The following TTC28 variants were observed in gnomAD, a reference collection of about 807,000 sequenced individuals.
TTC28 encodes tetratricopeptide repeat domain 28.
A neutral mutation model predicts 198.0 loss-of-function variants in TTC28; 61 were observed. The ratio of observed to expected loss-of-function variants is 0.31; its 90% CI spans 0.25 to 0.38. TTC28 has a LOEUF of 0.38. TTC28 is among the 10% of genes least tolerant of loss of function. The pLI is 1.00. For synonymous variants in TTC28, 1,171 were observed against 1,297.8 expected (o/e 0.90, Z 2.10); for missense variants, 2,678 against 3,164.0 (o/e 0.85, Z 3.69).
rs568668929 is a variant in TTC28 at position 28,367,860 on chromosome 22, C to T, written c.382-61217G>A. ...CCCCTACAGCCTACCAAAATTGAGC[C>T]ACTGAAGAAATTCAAAACCTGAACA... On this transcript the variant is annotated intron_variant, in intron 2 of 22. Coordinates refer to ENST00000397906, the MANE Select transcript of TTC28 (RefSeq NM_001145418.2). Among the ~76,000 whole-genome samples, 3 of 151,950 alleles carry T rather than the reference C, an allele frequency of 2.0e-5. No homozygotes were observed. The East Asian group carries it at 5.8e-4, about 29-fold the overall frequency.
intron 2 of TTC28, among the ~76,000 whole-genome samples, chr22:28,485,853 A>C (rs1344979294): frequency 6.6e-6 from 1 of 152,154 alleles, no homozygotes; most frequent in Non-Finnish European, 1.5e-5. Flanking sequence ...AAAATTATAG[A>C]AGACAATTCC....
rs1937045134 is a variant in TTC28 at position 27,982,285 on chromosome 22, A to C, written c.7382T>G (p.Leu2461Arg). ...GAACTTGTAGCCATTTCCAGAAGGAAGCCTCAAAGGGCGCGCGGGGGCTGT... is the reference window on the plus strand; with the variant it reads ...GAACTTGTAGCCATTTCCAGAAGGACGCCTCAAAGGGCGCGCGGGGGCTGT... Reference protein sequence around the residue: ...PATAPARPLRLPSGNGYKFLS... With the variant: ...PATAPARPLRRPSGNGYKFLS... Residue 2461 changes from leucine to arginine, a missense_variant, in exon 23 of 23, where the codon CTT becomes CGT. Leu to Arg is a moderately radical substitution (Grantham distance 102, BLOSUM62 -2). Coordinates refer to ENST00000397906, the MANE Select transcript of TTC28 (RefSeq NM_001145418.2). This position sits in a 1 kb window ranked among gnomAD's most constrained non-coding sequence, Gnocchi z 5.2. 1 of 1,480,284 alleles carries C rather than the reference A, an allele frequency of 6.8e-7. No homozygotes were observed. Among genetic ancestry groups the C allele is most frequent in the Non-Finnish European group, 9.0e-7 (1 of 1,115,918 alleles). The allele number at this position is 1,480,284 out of a possible 1,614,324, so 91.7% of individuals were successfully genotyped here. A position where few individuals can be genotyped will look rare whatever the true frequency, so the allele number is the denominator to read the frequency against.
Position 28,107,751 on chromosome 22 carries a change from C to G in TTC28, c.2094G>C (p.Lys698Asn). 1.9e-6 allele frequency: 3 copies of G among 1,551,966 alleles called. No individual in the cohort carries two copies. The highest frequency in any genetic ancestry group is 2.6e-6 in the Non-Finnish European group (3 of 1,147,056). ...LNFSKAEECQ[K>N]YLLSLAQSLN... ...GAGACTGGGCTAGGGACAGTAGGTA[C>G]TTCTGACACTCTTCAGCTTTACTGA... Residue 698 changes from lysine to asparagine, a missense_variant, in exon 7 of 23, where the codon AAG (lysine) becomes AAC (asparagine). Transcript: ENST00000397906.
chr22:28,259,887 G>A (rs1931201529), intron 5 of TTC28, among the ~76,000 whole-genome samples: 1 of 152,080 alleles, frequency 6.6e-6, no homozygotes, highest in African/African-American at 2.4e-5. Context: ...AGGAGAGGAG[G>A]AAAAGGACAA....
At chr22:28,644,950 C>T (rs560324275) in intron 1 of TTC28, among the ~76,000 whole-genome samples, 187 of 152,078 alleles carry the variant, frequency 1.2e-3, no homozygotes, top group Admixed American at 2.2e-3. Flanking sequence ...TCAAGACCAT[C>T]CTGGCTAACA....
chr22:28,247,555 T>C (rs1930197048), intron 5 of TTC28, among the ~76,000 whole-genome samples: 1 of 152,102 alleles, frequency 6.6e-6, no homozygotes, highest in Non-Finnish European at 1.5e-5. Context: ...TACAGTGGGA[T>C]CAGAGCTACC....
chr22:28,491,854 C>A (rs933229155), intron 2 of TTC28, among the ~76,000 whole-genome samples: 2 of 152,096 alleles, frequency 1.3e-5, no homozygotes, highest in African/African-American at 4.8e-5. Context: ...AGACTTGGAA[C>A]CAACCCAAAT....
chr22:28,406,185 CAAAG>C (rs2046995557), intron 2 of TTC28, among the ~76,000 whole-genome samples: 1 of 152,162 alleles, frequency 6.6e-6, no homozygotes, highest in South Asian at 2.1e-4. Flanking sequence ...GGAAAAAACA[CAAAG>C]ATTTAACTCT....
At chr22:28,406,568 T>C (rs1200058532) in intron 2 of TTC28, among the ~76,000 whole-genome samples, 1 of 152,196 alleles carries the variant, frequency 6.6e-6, no homozygotes, top group Non-Finnish European at 1.5e-5. Context: ...CATAGAAAGA[T>C]AATCATAAAC....
chr22:28,391,253 T>C (rs547870214), intron 2 of TTC28, among the ~76,000 whole-genome samples: 94 of 152,216 alleles, frequency 6.2e-4, no homozygotes, highest in Non-Finnish European at 1.1e-3. Flanking sequence ...AACCCGACCT[T>C]TCTCCCTGGC....
chr22:28,596,911 T>G (rs1227841078), intron 2 of TTC28, among the ~76,000 whole-genome samples: 2 of 152,150 alleles, frequency 1.3e-5, no homozygotes, highest in Non-Finnish European at 2.9e-5. Flanking sequence ...GTAACATATA[T>G]TTAGAAGCAA....
chr22:28,365,702 A>C (rs1335113381), intron 2 of TTC28, among the ~76,000 whole-genome samples: 1 of 152,200 alleles, frequency 6.6e-6, no homozygotes, highest in East Asian at 1.9e-4. Flanking sequence ...TGATATTAAC[A>C]CATGTACACA....
At chr22:28,653,697 T>TC (rs1476408222) in intron 1 of TTC28, among the ~76,000 whole-genome samples, 2 of 152,128 alleles carry the variant, frequency 1.3e-5, no homozygotes, top group Non-Finnish European at 2.9e-5. Context: ...AAGCTGTTTC[T>TC]CCCCACTTCC....
At chr22:28,610,646 A>T (rs2050804443) in intron 2 of TTC28, among the ~76,000 whole-genome samples, 1 of 152,168 alleles carries the variant, frequency 6.6e-6, no homozygotes, top group Non-Finnish European at 1.5e-5. Flanking sequence ...AAATTCCAAA[A>T]ACCAGAACGC....
intron 2 of TTC28, among the ~76,000 whole-genome samples, chr22:28,570,064 C>T (rs1317532034): frequency 6.6e-6 from 1 of 152,066 alleles, no homozygotes; most frequent in Non-Finnish European, 1.5e-5. Flanking sequence ...CAGACGTTGA[C>T]GAGGCTGCAG....
At chr22:28,076,363 A>G (rs1239073130) in intron 12 of TTC28, among the ~76,000 whole-genome samples, 2 of 152,224 alleles carry the variant, frequency 1.3e-5, no homozygotes, top group South Asian at 2.1e-4. Context: ...GAATCAGTCT[A>G]TCAACTGTCC....
chr22:28,612,099 G>A (rs1046294682), intron 2 of TTC28, among the ~76,000 whole-genome samples: 2 of 151,978 alleles, frequency 1.3e-5, no homozygotes, highest in Admixed American at 6.6e-5. Flanking sequence ...ATGCAAAGAC[G>A]CACATAGGCT....
intron 2 of TTC28, among the ~76,000 whole-genome samples, chr22:28,373,728 C>T (rs1024020528): frequency 6.6e-6 from 1 of 152,062 alleles, no homozygotes; most frequent in Non-Finnish European, 1.5e-5. Context: ...AACTAGCTTC[C>T]GAAAATGACA....
At chr22:28,301,897 T>C (rs1226438356) in intron 3 of TTC28, among the ~76,000 whole-genome samples, 5 of 151,818 alleles carry the variant, frequency 3.3e-5, no homozygotes, top group African/African-American at 9.7e-5. Flanking sequence ...ATTAGCTGGG[T>C]GTAGTGGTAC....
Sources: gnomAD v4.1 joint callset for allele counts (sites outside exome capture counted in the v4.1 genomes callset) on GRCh38, gnomAD v4.1.1 for gene constraint, Gnocchi (gnomAD v3.1) non-coding constraint, MANE v1.5 for transcripts, NCBI Gene and HGNC (gene_info 2026-07-23, HGNC 2026-07-21) for gene names.